Variants in AAK1 observed in about 807,000 individuals in gnomAD.
AAK1 encodes the protein AP2 associated kinase 1, also known as AP2-associated protein kinase 1.
Under a neutral mutation model 116.0 loss-of-function variants are expected in AAK1, and 37 were observed. That is an observed-to-expected ratio of 0.32 (90% CI 0.25 to 0.42). The LOEUF is 0.42. Ranked by LOEUF, AAK1 falls within the 10% of genes least tolerant of loss-of-function variation. AAK1 has a pLI of 1.00. For missense variants in AAK1, 919 were observed against 1,170.6 expected, an observed-to-expected ratio of 0.79 and a Z score of 3.14; for synonymous variants, 458 against 439.9, an observed-to-expected ratio of 1.04 and a Z score of -0.51.
chr2:69,493,175 A>AAAAAAAAAAAAAAAAAAAAAAAAAAAAAC (rs1675607735), intron 17 of AAK1, among the ~76,000 whole-genome samples: 1 of 148,740 alleles, frequency 6.7e-6, no homozygotes, highest in Non-Finnish European at 1.5e-5. Context: ...AAAAAAAAAA[A>AAAAAAAAAAAAAAAAAAAAAAAAAAAAAC]AAGGATGCAG....
chr2:69,539,639 A>G (rs1167736355), intron 5 of AAK1, among the ~76,000 whole-genome samples: 1 of 152,186 alleles, frequency 6.6e-6, no homozygotes, highest in Non-Finnish European at 1.5e-5. Flanking sequence ...AGTAGTGTCA[A>G]TACATATTCA....
At chr2:69,634,331 A>C (rs1303976750) in intron 2 of AAK1, among the ~76,000 whole-genome samples, 1 of 152,174 alleles carries the variant, frequency 6.6e-6, no homozygotes, top group Non-Finnish European at 1.5e-5. Flanking sequence ...TCATTCAACC[A>C]ATGTCAGCCA....
At chr2:69,543,931 C>T (rs1479870285) in intron 4 of AAK1, among the ~76,000 whole-genome samples, 1 of 152,198 alleles carries the variant, frequency 6.6e-6, no homozygotes, top group Non-Finnish European at 1.5e-5. Context: ...TTAACAGCTG[C>T]ATCATTTGAA....
intron 19 of AAK1, among the ~76,000 whole-genome samples, chr2:69,479,361 T>C (rs1270724785): frequency 6.6e-6 from 1 of 152,174 alleles, no homozygotes; most frequent in East Asian, 1.9e-4. Context: ...TATAGAAACA[T>C]GTCTTTCTAG....
rs766166655 is a variant in AAK1, at chr2:69,505,662, C to T, written c.2176G>A (p.Glu726Lys). 1.1e-5 allele frequency: 18 copies of T among 1,613,242 alleles called. No individual in the cohort carries two copies. The highest frequency in any genetic ancestry group is 8.9e-5 in the East Asian group (4 of 44,868). ...FAKLGEGKHP[E>K]KLGGSAESLI... ...CTCTCAGCTGAGCCTCCAAGCTTCT[C>T]GGGATGTTTGCCTGGAGAGACAAAA... Residue 726 changes from glutamate (E) to lysine (K), a missense_variant, in exon 16 of 22, where the codon GAG becomes AAG. Glu to Lys is a moderately conservative substitution (Grantham distance 56). Coordinates refer to ENST00000409085, the MANE Select transcript of AAK1 (RefSeq NM_014911.5).
At chr2:69,495,253 G>A (rs1224931065) in intron 17 of AAK1, among the ~76,000 whole-genome samples, 1 of 152,138 alleles carries the variant, frequency 6.6e-6, no homozygotes, top group Non-Finnish European at 1.5e-5. Context: ...GAAAAGCTTT[G>A]GCAACTTGAA....
chr2:69,555,308 T>G (rs539771456), intron 3 of AAK1, among the ~76,000 whole-genome samples: 1 of 152,358 alleles, frequency 6.6e-6, no homozygotes, highest in South Asian at 2.1e-4. Context: ...CCTTGGGAGT[T>G]GGCTGGTTTG....
chr2:69,633,451 A>C (rs1021505656), intron 2 of AAK1, among the ~76,000 whole-genome samples: 1 of 151,622 alleles, frequency 6.6e-6, no homozygotes, highest in Non-Finnish European at 1.5e-5. Flanking sequence ...AAACACAAAA[A>C]TTAGCTGGGC....
chr2:69,616,556 T>C (rs1327608906), intron 2 of AAK1, among the ~76,000 whole-genome samples: 2 of 152,092 alleles, frequency 1.3e-5, no homozygotes, highest in Non-Finnish European at 2.9e-5. Flanking sequence ...GCTCATGACT[T>C]TGGACTGTAT....
intron 10 of AAK1, among the ~76,000 whole-genome samples, chr2:69,521,551 T>C (rs1000609431): frequency 1.3e-5 from 2 of 152,132 alleles, no homozygotes; most frequent in Non-Finnish European, 2.9e-5. Flanking sequence ...AAAAAGGAAG[T>C]GTCACAGAAA....
Position 69,527,278 on chromosome 2 carries a change from A to G in AAK1, c.913T>C (p.Tyr305His), listed in dbSNP as rs1460934221. ...EPDPDKRPDI[Y>H]QVSYFSFKLL... ...TTAAATGAGAAGTAGGACACCTGGT[A>G]AATATCCGGCCTTTTGTCAGGGTCT... Residue 305 changes from tyrosine to histidine, a missense_variant, in exon 9 of 22, where the codon TAC becomes CAC. Physicochemically the swap from Tyr to His is moderately conservative, Grantham distance 83. Around this residue, in one of 4 missense-constraint regions of AAK1, gnomAD observed 317 missense variants for 490.4 expected, o/e 0.65. Transcript: ENST00000409085. 3.7e-6 allele frequency: 6 copies of G among 1,609,824 alleles called. No homozygotes were observed. The East Asian group carries it at 1.3e-4, about 36-fold the overall frequency.
intron 3 of AAK1, among the ~76,000 whole-genome samples, chr2:69,553,437 G>GTT (rs70954350): frequency 0.056 from 4,422 of 79,460 alleles, 654 homozygotes; most frequent in African/African-American, 0.17. Context: ...ATTGAAAGTT[G>GTT]TTTTTTTTTT....
chr2:69,485,075 T>C (rs1675241805), intron 17 of AAK1, among the ~76,000 whole-genome samples: 1 of 152,186 alleles, frequency 6.6e-6, no homozygotes, highest in Non-Finnish European at 1.5e-5. Flanking sequence ...AAAAATAAGA[T>C]GGTTTTCCTA....
rs1024675860 is a variant in AAK1 at position 69,634,053 on chromosome 2, C to G, written c.163+8825G>C. Among the ~76,000 whole-genome samples, 7 of 152,296 alleles carry G rather than the reference C, an allele frequency of 4.6e-5. No homozygotes were observed. The East Asian group carries it at 1.3e-3, about 29-fold the overall frequency. ...GGTGTGGTGGCACATGCCTATAGTTCCAGCTACTCGAGAGGCTGAGGCAGG... is the reference window on the plus strand; with the variant it reads ...GGTGTGGTGGCACATGCCTATAGTTGCAGCTACTCGAGAGGCTGAGGCAGG... On this transcript the variant is annotated intron_variant, in intron 2 of 21. Coordinates refer to ENST00000409085, the MANE Select transcript of AAK1 (RefSeq NM_014911.5).
chr2:69,634,544 G>C (rs72897460), intron 2 of AAK1, among the ~76,000 whole-genome samples: 5,557 of 152,292 alleles, frequency 0.036, 331 homozygotes, highest in African/African-American at 0.13. Context: ...AGAAGTAATG[G>C]AAGACTCGGC....
At chr2:69,480,802 T>C in intron 19 of AAK1, 58 bp downstream of exon 19, 1 of 1,441,754 alleles carries the variant, frequency 6.9e-7, no homozygotes, top group South Asian at 1.3e-5. Context: ...GTGAAAAGAC[T>C]GGCTCAGAGG....
Position 69,466,424 on chromosome 2 carries a change from G to A in AAK1, c.*9445C>T, listed in dbSNP as rs1387820257. On this transcript the variant is annotated 3_prime_UTR_variant, in exon 22 of 22. Transcript: ENST00000409085. ...CTCTGGCCAAGTAGTCAGATTCTAA[G>A]TTGTTCTGAGTCTTTGTGCCAGGTA... 1.6e-6 allele frequency: 2 copies of A among 1,289,808 alleles called. No individual in the cohort carries two copies. Among genetic ancestry groups the A allele is most frequent in the Non-Finnish European group, 2.0e-6 (2 of 988,856 alleles). 79.9% of individuals were successfully genotyped at this position (1,289,808 alleles called of 1,614,324 possible). A position where few individuals can be genotyped will look rare whatever the true frequency, so the allele number is the denominator to read the frequency against.
intron 17 of AAK1, among the ~76,000 whole-genome samples, chr2:69,486,630 C>G (rs912321192): frequency 2.6e-5 from 4 of 152,242 alleles, no homozygotes; most frequent in African/African-American, 9.6e-5. Flanking sequence ...CAGTTGGCCT[C>G]CAGGTGCCAT....
chr2:69,484,293 T>C (rs1675204384), intron 17 of AAK1, among the ~76,000 whole-genome samples: 1 of 152,172 alleles, frequency 6.6e-6, no homozygotes, highest in Non-Finnish European at 1.5e-5. Flanking sequence ...GATCTTCAAT[T>C]TAGGTGATCT....
Sources: allele counts gnomAD v4.1 joint callset (sites outside exome capture counted in the v4.1 genomes callset), GRCh38; gene constraint gnomAD v4.1.1; regional missense constraint gnomAD v4.1.1; transcripts MANE v1.5; gene names NCBI Gene and HGNC (gene_info 2026-07-23, HGNC 2026-07-21).